Variants in DACH2 observed in about 807,000 individuals in gnomAD.
DACH2 encodes dachshund family transcription factor 2.
In DACH2, 17 loss-of-function variants were observed where a neutral mutation model predicts 35.8. That is an observed-to-expected ratio of 0.48 (90% CI 0.33 to 0.71). The LOEUF (loss-of-function observed/expected upper bound fraction) is 0.71, where lower values mean the gene tolerates loss of function less well. Among genes scored for constraint, DACH2 ranks in the 30% least tolerant of loss-of-function variants. DACH2 has a pLI of 0.02. For synonymous variants in DACH2, 195 were observed against 177.3 expected, an observed-to-expected ratio of 1.10 and a Z score of -0.79; for missense variants, 469 against 472.7, an observed-to-expected ratio of 0.99 and a Z score of 0.07.
At chrX:86,245,616 A>C (rs962649924) in intron 1 of DACH2, among the ~76,000 whole-genome samples, 1 of 111,921 alleles carries the variant, frequency 8.9e-6, no homozygotes, top group Non-Finnish European at 1.9e-5. Context: ...AGTTGACTGA[A>C]TCAAAGTTAT....
At chrX:86,667,540 AGAAAGAAGAAAG>A (rs1569463635) in intron 4 of DACH2, among the ~76,000 whole-genome samples, 5 of 52,725 alleles carry the variant, frequency 9.5e-5, no homozygotes, top group Non-Finnish European at 1.7e-4. Context: ...AAAGAAAGAA[AGAAAGAAGAAAG>A]AAAGAAAGAA....
intron 4 of DACH2, among the ~76,000 whole-genome samples, chrX:86,687,663 C>T (rs1375482986): frequency 9.0e-6 from 1 of 111,527 alleles, no homozygotes; most frequent in Non-Finnish European, 1.9e-5. Flanking sequence ...CAATGATAGA[C>T]TGGATTAAGA....
intron 2 of DACH2, among the ~76,000 whole-genome samples, chrX:86,396,588 G>T (rs1247677134): frequency 1.5e-3 from 163 of 107,357 alleles, no homozygotes; most frequent in African/African-American, 5.5e-3. Flanking sequence ...AAGGGATCCA[G>T]TTTCAGCTTT....
At chrX:86,208,965 G>C (rs957470274) in intron 1 of DACH2, among the ~76,000 whole-genome samples, 5 of 111,381 alleles carry the variant, frequency 4.5e-5, no homozygotes, top group Non-Finnish European at 9.4e-5. Context: ...CATTTCAGTT[G>C]ATCATGTCTA....
At chrX:86,292,509 T>A (rs1460169427) in intron 1 of DACH2, among the ~76,000 whole-genome samples, 1 of 111,231 alleles carries the variant, frequency 9.0e-6, no homozygotes, top group Non-Finnish European at 1.9e-5. Context: ...TTCCTTTAAT[T>A]GTGATGTTAG....
chrX:86,556,973 T>C (rs1208356456), intron 3 of DACH2, among the ~76,000 whole-genome samples: 1 of 106,508 alleles, frequency 9.4e-6, no homozygotes, highest in Non-Finnish European at 1.9e-5. Flanking sequence ...AGGGAGCCTA[T>C]GGCATAACTC....
chrX:86,441,412 G>A (rs66563509), intron 2 of DACH2, among the ~76,000 whole-genome samples: 4,043 of 110,255 alleles, frequency 0.037, 75 homozygotes, highest in East Asian at 0.2. Flanking sequence ...CATAATGAGC[G>A]CCAGGTTCAT....
intron 1 of DACH2, 79 bp from the exon 2 acceptor site, chrX:86,376,745 G>C: frequency 9.3e-7 from 1 of 1,080,574 alleles, no homozygotes; most frequent in South Asian, 2.4e-5. Context: ...ATAAAGCCTT[G>C]CTTAATTGGA....
chrX:86,296,767 A>T (rs1358137155), intron 1 of DACH2, among the ~76,000 whole-genome samples: 1 of 110,935 alleles, frequency 9.0e-6, no homozygotes, highest in East Asian at 2.8e-4. Context: ...TGGAGACTTT[A>T]CACATTTTAC....
rs1569438321 is a variant in DACH2, at chrX:86,554,003, T to TTGTGTG, written c.640+39619_640+39624dup. Among the ~76,000 whole-genome samples, 7 of 111,155 alleles carry TTGTGTG rather than the reference T, an allele frequency of 6.3e-5. 1 individual carries two copies. The highest frequency in any genetic ancestry group is 1.3e-4 in the Non-Finnish European group (7 of 52,963). ...GACAATGTGCTTTACAGCAAGTTTC[T>TTGTGTG]TGTGTGTGTGTGCGTGTTTGTGTGT... On this transcript the variant is annotated intron_variant, in intron 3 of 11. Transcript: ENST00000373125.
intron 3 of DACH2, among the ~76,000 whole-genome samples, chrX:86,577,728 G>A (rs960578963): frequency 1.8e-5 from 2 of 111,230 alleles, no homozygotes; most frequent in African/African-American, 6.5e-5. Context: ...CTTCCGGAGA[G>A]TGTACAAAGG....
intron 7 of DACH2, among the ~76,000 whole-genome samples, chrX:86,756,990 A>G (rs1430607851): frequency 1.8e-5 from 2 of 110,915 alleles, no homozygotes; most frequent in Non-Finnish European, 3.8e-5. Context: ...AGATGATCAT[A>G]TTTTTTATCC....
intron 1 of DACH2, among the ~76,000 whole-genome samples, chrX:86,255,873 T>G (rs1328084029): frequency 1.8e-5 from 2 of 111,577 alleles, no homozygotes; most frequent in Non-Finnish European, 3.8e-5. Flanking sequence ...ACACACATAA[T>G]TAACACAAAA....
chrX:86,521,329 A>G (rs1291778243), intron 3 of DACH2, among the ~76,000 whole-genome samples: 1 of 110,986 alleles, frequency 9.0e-6, no homozygotes, highest in Non-Finnish European at 1.9e-5. Context: ...AGCTGCCTTT[A>G]CCATTCTTAC....
At chrX:86,590,273 A>G (rs975431689) in intron 3 of DACH2, among the ~76,000 whole-genome samples, 1 of 112,013 alleles carries the variant, frequency 8.9e-6, no homozygotes, top group Admixed American at 9.5e-5. Context: ...AGCAAAAAAG[A>G]GTATGTCAGT....
intron 7 of DACH2, among the ~76,000 whole-genome samples, chrX:86,763,774 T>C (rs2041906533): frequency 8.9e-6 from 1 of 111,927 alleles, no homozygotes; most frequent in East Asian, 2.8e-4. Flanking sequence ...GTAAGGGGAA[T>C]TTCTGGTTTT....
chrX:86,432,509 G>A (rs1441862750), intron 2 of DACH2, among the ~76,000 whole-genome samples: 3 of 111,885 alleles, frequency 2.7e-5, no homozygotes, highest in African/African-American at 9.7e-5. Context: ...GGAAGGACCA[G>A]AAATGCGAAG....
chrX:86,420,645 C>T (rs1433486237), intron 2 of DACH2, among the ~76,000 whole-genome samples: 1 of 111,284 alleles, frequency 9.0e-6, no homozygotes, highest in Non-Finnish European at 1.9e-5. Flanking sequence ...CTCTGTGTAA[C>T]CCTTAATTAT....
intron 2 of DACH2, among the ~76,000 whole-genome samples, chrX:86,489,036 G>A (rs2038058043): frequency 9.0e-6 from 1 of 111,510 alleles, no homozygotes; most frequent in Non-Finnish European, 1.9e-5. Flanking sequence ...CAGTAATCCA[G>A]CATGATACTT....
Sources: allele counts gnomAD v4.1 joint callset (sites outside exome capture counted in the v4.1 genomes callset), GRCh38; gene constraint gnomAD v4.1.1; transcripts MANE v1.5; gene names NCBI Gene and HGNC (gene_info 2026-07-23, HGNC 2026-07-21).